The following PRIM2 variants were observed in gnomAD, a reference collection of about 807,000 sequenced individuals.
The protein encoded by PRIM2 is DNA primase subunit 2.
Under a neutral mutation model 67.3 loss-of-function variants are expected in PRIM2, and 39 were observed. That is an observed-to-expected ratio of 0.58 (90% CI 0.45 to 0.76). The LOEUF (loss-of-function observed/expected upper bound fraction) is 0.76, where lower values mean the gene tolerates loss of function less well. Ranked by LOEUF, PRIM2 falls within the 30% of genes least tolerant of loss-of-function variation. The pLI is 0.00. For synonymous variants in PRIM2, 143 were observed against 198.7 expected (o/e 0.72, Z 2.36); for missense variants, 398 against 598.7 (o/e 0.66, Z 3.50).
intron 13 of PRIM2, among the ~76,000 whole-genome samples, chr6:57,638,435 A>G (rs1777161487): frequency 6.6e-6 from 1 of 152,192 alleles, no homozygotes; most frequent in Non-Finnish European, 1.5e-5. Context: ...TAAATGCCCC[A>G]GTTAAAAGAC....
At chr6:57,517,053 T>C (rs1243424577) in intron 8 of PRIM2, among the ~76,000 whole-genome samples, 7 of 152,192 alleles carry the variant, frequency 4.6e-5, no homozygotes, top group African/African-American at 1.7e-4. Context: ...AATTTCTGGA[T>C]TGTGGATACA....
intron 5 of PRIM2, among the ~76,000 whole-genome samples, chr6:57,351,125 T>G (rs967370931): frequency 3.3e-5 from 5 of 151,654 alleles, no homozygotes; most frequent in African/African-American, 1.2e-4. Flanking sequence ...ACCAAGTAAT[T>G]AATTATAGGC....
intron 10 of PRIM2, among the ~76,000 whole-genome samples, chr6:57,569,561 G>A (rs1775822330): frequency 6.6e-6 from 1 of 151,948 alleles, no homozygotes; most frequent in Non-Finnish European, 1.5e-5. Flanking sequence ...TTTGCTTATG[G>A]TCTTTCTTTT....
At chr6:57,487,327 T>G (rs1773777671) in intron 7 of PRIM2, among the ~76,000 whole-genome samples, 1 of 152,130 alleles carries the variant, frequency 6.6e-6, no homozygotes, top group Non-Finnish European at 1.5e-5. Context: ...CCTCCCAGGT[T>G]CAAGCTATTC....
At chr6:57,572,932 T>TTTAG (rs1429362196) in intron 10 of PRIM2, among the ~76,000 whole-genome samples, 1 of 152,240 alleles carries the variant, frequency 6.6e-6, no homozygotes, top group East Asian at 1.9e-4. Context: ...CTTTTCTTTA[T>TTTAG]TTAGTTACTT....
intron 7 of PRIM2, among the ~76,000 whole-genome samples, chr6:57,452,469 C>T (rs1328176489): frequency 5.3e-5 from 8 of 152,144 alleles, no homozygotes; most frequent in East Asian, 1.9e-4. Flanking sequence ...TTTTAATGAT[C>T]GCCATTCTAA....
At chr6:57,364,615 C>T (rs1769295429) in intron 5 of PRIM2, among the ~76,000 whole-genome samples, 1 of 152,104 alleles carries the variant, frequency 6.6e-6, no homozygotes, top group Non-Finnish European at 1.5e-5. Flanking sequence ...AATTCTAGTT[C>T]ACTCTTTCTC....
the PRIM2 span, among the ~76,000 whole-genome samples, chr6:57,288,227 T>C: frequency 2.0e-5 from 3 of 152,000 alleles, no homozygotes; most frequent in Non-Finnish European, 2.9e-5. Flanking sequence ...GGGGAGGGGG[T>C]GTCTGCCATT....
chr6:57,308,787 T>G, the PRIM2 span, among the ~76,000 whole-genome samples: 3 of 152,200 alleles, frequency 2.0e-5, no homozygotes, highest in East Asian at 5.8e-4. Context: ...TTACATATGT[T>G]TATTTATCAT....
At chr6:57,475,277 C>T (rs1259169432) in intron 7 of PRIM2, among the ~76,000 whole-genome samples, 2 of 152,114 alleles carry the variant, frequency 1.3e-5, no homozygotes, top group African/African-American at 4.8e-5. Flanking sequence ...TTTAAGTGTT[C>T]ACAGAGTTGT....
intron 7 of PRIM2, among the ~76,000 whole-genome samples, chr6:57,386,947 A>G (rs1454848015): frequency 6.6e-6 from 1 of 152,178 alleles, no homozygotes; most frequent in Non-Finnish European, 1.5e-5. Flanking sequence ...CCAGGTGACA[A>G]CTGAAAGCTT....
chr6:57,533,421 A>T (rs1262722196), intron 9 of PRIM2, among the ~76,000 whole-genome samples: 1 of 152,228 alleles, frequency 6.6e-6, no homozygotes, highest in Non-Finnish European at 1.5e-5. Flanking sequence ...GTAGAGAAAG[A>T]ACGTGAGTTT....
intron 2 of PRIM2, among the ~76,000 whole-genome samples, chr6:57,319,989 T>C (rs1767595195): frequency 1.3e-5 from 2 of 152,328 alleles, no homozygotes; most frequent in South Asian, 4.1e-4. Flanking sequence ...GATGGTTCAT[T>C]TGGCTGTTTG....
chr6:57,273,453 C>G, the PRIM2 span, among the ~76,000 whole-genome samples: 1 of 152,226 alleles, frequency 6.6e-6, no homozygotes, highest in Non-Finnish European at 1.5e-5. Context: ...TCACATAGTT[C>G]TTGTGCCTTG....
chr6:57,282,582 C>A, the PRIM2 span, among the ~76,000 whole-genome samples: 9 of 152,040 alleles, frequency 5.9e-5, no homozygotes, highest in African/African-American at 1.9e-4. Flanking sequence ...AGAATGTGAC[C>A]GTATTTGAAG....
intron 7 of PRIM2, among the ~76,000 whole-genome samples, chr6:57,444,247 A>G (rs969970414): frequency 1.3e-5 from 2 of 152,058 alleles, no homozygotes; most frequent in Admixed American, 6.6e-5. Context: ...TGTATTTCCT[A>G]AAAGAATCAT....
intron 7 of PRIM2, among the ~76,000 whole-genome samples, chr6:57,481,618 C>T (rs1436251319): frequency 6.6e-5 from 10 of 151,888 alleles, no homozygotes; most frequent in Admixed American, 5.9e-4. Flanking sequence ...GACAAACGCC[C>T]AAGAGTATAA....
chr6:57,563,809 C>T (rs1235840973), intron 10 of PRIM2, among the ~76,000 whole-genome samples: 321 of 152,200 alleles, frequency 2.1e-3, no homozygotes, highest in African/African-American at 7.3e-3. Flanking sequence ...TACAGGCACA[C>T]GCCACCATGC....
chr6:57,488,767 T>A (rs1435468677), intron 7 of PRIM2, among the ~76,000 whole-genome samples: 3 of 152,166 alleles, frequency 2.0e-5, no homozygotes. Flanking sequence ...GGTGGCAAAG[T>A]CAGCTTCAGT....
Sources: gnomAD v4.1 joint callset for allele counts (sites outside exome capture counted in the v4.1 genomes callset) on GRCh38, gnomAD v4.1.1 for gene constraint, MANE v1.5 for transcripts, NCBI Gene and HGNC (gene_info 2026-07-23, HGNC 2026-07-21) for gene names.